The following AGBL4 variants were observed in gnomAD, a reference collection of about 807,000 sequenced individuals.
AGBL4 encodes the protein AGBL carboxypeptidase 4.
In AGBL4, 58 loss-of-function variants were observed where a neutral mutation model predicts 66.4. That is an observed-to-expected ratio of 0.87 (90% CI 0.71 to 1.09). AGBL4 has a LOEUF of 1.09. Among genes scored for constraint, AGBL4 ranks in the 50% least tolerant of loss-of-function variants. The probability of loss-of-function intolerance (pLI) is 0.00; values close to 1 mark genes in which losing one functional copy is unlikely to be tolerated. For missense variants in AGBL4, 579 were observed against 631.0 expected (o/e 0.92, Z 0.88); for synonymous variants, 234 against 222.9 (o/e 1.05, Z -0.44).
At chr1:49,985,865 A>G (rs957238385) in intron 1 of AGBL4, among the ~76,000 whole-genome samples, 5 of 152,206 alleles carry the variant, frequency 3.3e-5, no homozygotes, top group African/African-American at 1.2e-4. Flanking sequence ...CTATTTACAG[A>G]TAAATACCTG....
intron 3 of AGBL4, among the ~76,000 whole-genome samples, chr1:49,287,429 C>T (rs1644439425): frequency 6.7e-6 from 1 of 148,964 alleles, no homozygotes; most frequent in Admixed American, 6.7e-5. Flanking sequence ...AACAGGCAAC[C>T]TACAAAATGG....
chr1:49,836,903 C>T (rs376101853), intron 2 of AGBL4, among the ~76,000 whole-genome samples: 6 of 152,254 alleles, frequency 3.9e-5, no homozygotes, highest in African/African-American at 7.2e-5. Flanking sequence ...GTATCACCAG[C>T]GGAGGCTGCA....
chr1:49,844,077 TC>T (rs1646073643), intron 2 of AGBL4, among the ~76,000 whole-genome samples: 2 of 152,196 alleles, frequency 1.3e-5, no homozygotes, highest in African/African-American at 4.8e-5. Flanking sequence ...ATAAGGCAGA[TC>T]AAAGTACTTT....
intron 5 of AGBL4, among the ~76,000 whole-genome samples, chr1:49,001,245 A>C (rs1324139602): frequency 6.6e-6 from 1 of 152,232 alleles, no homozygotes; most frequent in Non-Finnish European, 1.5e-5. Flanking sequence ...TAAAGTTATA[A>C]CATGACCCTT....
intron 5 of AGBL4, among the ~76,000 whole-genome samples, chr1:48,897,123 C>A (rs1651595763): frequency 1.3e-5 from 2 of 151,870 alleles, no homozygotes; most frequent in African/African-American, 2.4e-5. Flanking sequence ...ATCCTTTTTC[C>A]CCCTTCATCC....
At chr1:49,605,880 T>C (rs2124197999) in intron 3 of AGBL4, among the ~76,000 whole-genome samples, 1 of 152,216 alleles carries the variant, frequency 6.6e-6, no homozygotes, top group South Asian at 2.1e-4. Context: ...TAGTCTCTGT[T>C]ATATTTTTAA....
At position 48,915,586 on chromosome 1, in the gene AGBL4, G is replaced by T. The variant is rs574103719; in HGVS notation, c.595-48356C>A. ...TAGTGCTCAATAAACACTAAAAAAC[G>T]TGGTTCTCATAGTGTGTTCCCTTGG... On this transcript the variant is annotated intron_variant, in intron 5 of 13. Coordinates refer to ENST00000371839, the MANE Select transcript of AGBL4 (RefSeq NM_032785.4). 3.9e-5 allele frequency among the ~76,000 whole-genome samples: 6 copies of T among 152,146 alleles called. No individual in the cohort carries two copies. In the South Asian group the frequency reaches 6.2e-4, roughly 16 times the overall value.
At chr1:49,675,897 C>T (rs1425177208) in intron 3 of AGBL4, among the ~76,000 whole-genome samples, 3 of 152,092 alleles carry the variant, frequency 2.0e-5, no homozygotes, top group Non-Finnish European at 4.4e-5. Flanking sequence ...GCACAAAGTT[C>T]TACTGCAAAT....
At chr1:49,696,872 T>C (rs577364133) in intron 3 of AGBL4, among the ~76,000 whole-genome samples, 1 of 152,270 alleles carries the variant, frequency 6.6e-6, no homozygotes, top group African/African-American at 2.4e-5. Flanking sequence ...AAGAATCATA[T>C]TGTCTTAAAG....
At chr1:49,416,108 A>G (rs1027932618) in intron 3 of AGBL4, among the ~76,000 whole-genome samples, 2 of 152,094 alleles carry the variant, frequency 1.3e-5, no homozygotes, top group African/African-American at 4.8e-5. Context: ...AGTCTTTGTT[A>G]AGGACACAAA....
intron 5 of AGBL4, among the ~76,000 whole-genome samples, chr1:48,950,992 T>A (rs1284119955): frequency 6.6e-6 from 1 of 152,204 alleles, no homozygotes; most frequent in Non-Finnish European, 1.5e-5. Context: ...ATAAAAAATG[T>A]CTAAGTAAAC....
intron 4 of AGBL4, among the ~76,000 whole-genome samples, chr1:49,069,298 T>C (rs1246295947): frequency 6.6e-6 from 1 of 152,240 alleles, no homozygotes; most frequent in African/African-American, 2.4e-5. Flanking sequence ...AAGCATGAAG[T>C]CTTTGCCCAT....
At chr1:49,336,387 C>A (rs1393405917) in intron 3 of AGBL4, among the ~76,000 whole-genome samples, 1 of 152,174 alleles carries the variant, frequency 6.6e-6, no homozygotes, top group Non-Finnish European at 1.5e-5. Flanking sequence ...CTGGGTAGAG[C>A]AATCTGCTTT....
At chr1:49,238,350 T>C (rs1338218769) in intron 4 of AGBL4, among the ~76,000 whole-genome samples, 1 of 152,166 alleles carries the variant, frequency 6.6e-6, no homozygotes, top group Non-Finnish European at 1.5e-5. Context: ...TCCCTGAGGC[T>C]CTGTTCATTT....
chr1:49,150,471 C>T (rs991776850), intron 4 of AGBL4, among the ~76,000 whole-genome samples: 12 of 152,064 alleles, frequency 7.9e-5, no homozygotes, highest in African/African-American at 2.9e-4. Flanking sequence ...AAATAGGATA[C>T]GATATTGACT....
intron 8 of AGBL4, among the ~76,000 whole-genome samples, chr1:48,645,005 A>G (rs1645812668): frequency 6.6e-6 from 1 of 152,192 alleles, no homozygotes; most frequent in Admixed American, 6.5e-5. Flanking sequence ...TCAACTTGCT[A>G]TCAACTCTAA....
Position 49,214,691 on chromosome 1 carries a change from A to G in AGBL4, c.377+31079T>C, listed in dbSNP as rs551210948. Among the ~76,000 whole-genome samples the G allele has an allele frequency of 3.3e-5, 5 of 152,226 alleles. No individual in the cohort carries two copies. In the South Asian group the frequency reaches 1.0e-3, roughly 32 times the overall value. On this transcript the variant is annotated intron_variant, in intron 4 of 13. Coordinates refer to ENST00000371839, the MANE Select transcript of AGBL4 (RefSeq NM_032785.4). ...TTATCCTTATATCCAGACACGTTGGAGACTATGTTTATAGCAGAAGACTAA... is the reference window on the plus strand; with the variant it reads ...TTATCCTTATATCCAGACACGTTGGGGACTATGTTTATAGCAGAAGACTAA...
In AGBL4 at chr1:48,813,001, C is replaced by T. The variant is rs546252750; in HGVS notation, c.634+54190G>A. Among the ~76,000 whole-genome samples, 341 of 151,924 alleles carry T rather than the reference C, an allele frequency of 2.2e-3. 1 individual carries two copies. The highest frequency in any genetic ancestry group is 2.8e-3 in the Admixed American group (42 of 15,248). On this transcript the variant is annotated intron_variant, in intron 6 of 13. Transcript: ENST00000371839. ...GGGAGGGATAGCATTAGGAGATATA[C>T]CTAATGCTAAATGACGAGTTAATGG...
intron 2 of AGBL4, chr1:49,845,597 G>T: frequency 1.9e-6 from 3 of 1,607,660 alleles, no homozygotes; most frequent in East Asian, 4.5e-5. Context: ...CATGAGTGTG[G>T]AAAAGCCTTC....
Sources: allele counts gnomAD v4.1 joint callset (sites outside exome capture counted in the v4.1 genomes callset), GRCh38; gene constraint gnomAD v4.1.1; transcripts MANE v1.5; gene names NCBI Gene and HGNC (gene_info 2026-07-23, HGNC 2026-07-21).